SEL1L3: variants seen among roughly 807,000 people sequenced by gnomAD.
SEL1L3 encodes the protein protein sel-1 homolog 3.
SEL1L3 carries 76 observed loss-of-function variants against 142.8 expected under a neutral mutation model. That is an observed-to-expected ratio of 0.53 (90% CI 0.44 to 0.64). The LOEUF (loss-of-function observed/expected upper bound fraction) is 0.64. Among genes scored for constraint, SEL1L3 ranks in the 30% least tolerant of loss-of-function variants. The pLI is 0.00. For synonymous variants in SEL1L3, 504 were observed against 519.6 expected (o/e 0.97, Z 0.41); for missense variants, 1,262 against 1,381.7 (o/e 0.91, Z 1.37).
Position 25,790,427 on chromosome 4 carries a change from T to C in SEL1L3, c.2076+28A>G, listed in dbSNP as rs779539041. On this transcript the variant is annotated intron_variant, in intron 12 of 23. Coordinates refer to ENST00000399878, the MANE Select transcript of SEL1L3 (RefSeq NM_015187.5). Reference sequence around the variant, plus strand: ...ACCCAGTCTATCATGGCTGACAGAATCCCCAAGACAGTAGCCTGCGTTTTT... The same window carrying C: ...ACCCAGTCTATCATGGCTGACAGAACCCCCAAGACAGTAGCCTGCGTTTTT... 10 of 1,612,052 alleles carry C rather than the reference T, an allele frequency of 6.2e-6. No homozygotes were observed. In the Middle Eastern group the frequency reaches 5.0e-4, roughly 80 times the overall value.
intron 7 of SEL1L3, 131 bp downstream of exon 7, chr4:25,821,865 A>T: frequency 1.1e-6 from 1 of 922,266 alleles, no homozygotes; most frequent in Non-Finnish European, 1.6e-6. Flanking sequence ...CCTCAATATT[A>T]ATGATGTCTG....
chr4:25,788,321 G>A lies in SEL1L3; in HGVS notation c.2120C>T (p.Ala707Val). The A allele has an allele frequency of 6.2e-7, 1 of 1,613,940 alleles. No individual in the cohort carries two copies. The highest frequency in any genetic ancestry group is 1.7e-5 in the Admixed American group (1 of 60,018). ...CTCAATTGCTGCTTCGGGATTCTTG[G>A]CCACACCTTGCTGCCCCCAGAACAG... ...QMLFWGQQGV[A>V]KNPEAAIEWY... Residue 707 changes from alanine (A) to valine (V), a missense_variant, in exon 13 of 24, where the codon GCC (alanine) becomes GTC (valine). Physicochemically the swap from Ala to Val is moderately conservative, Grantham distance 64 (BLOSUM62 0). Transcript: ENST00000399878. This position sits in a 1 kb window ranked among gnomAD's most constrained non-coding sequence, Gnocchi z 5.3.
chr4:25,834,918 G>C (rs905412293), intron 3 of SEL1L3, among the ~76,000 whole-genome samples: 4 of 152,224 alleles, frequency 2.6e-5, no homozygotes, highest in African/African-American at 9.7e-5. Flanking sequence ...CTGCACCTGA[G>C]ACCTTGCAGG....
the SEL1L3 span, among the ~76,000 whole-genome samples, chr4:25,717,719 G>T: frequency 6.6e-6 from 1 of 152,204 alleles, no homozygotes; most frequent in Non-Finnish European, 1.5e-5. Flanking sequence ...AAGAAGCAAA[G>T]ATGTTTTTGC....
chr4:25,817,328 C>T (rs970161206), intron 9 of SEL1L3, among the ~76,000 whole-genome samples: 1 of 152,202 alleles, frequency 6.6e-6, no homozygotes, highest in Non-Finnish European at 1.5e-5. Context: ...CGTGGAGTTG[C>T]CTCCCACCAC....
chr4:25,849,231 C>T (rs529396515), intron 1 of SEL1L3, among the ~76,000 whole-genome samples: 2 of 152,314 alleles, frequency 1.3e-5, no homozygotes, highest in African/African-American at 4.8e-5. Flanking sequence ...GATGTTTGTA[C>T]ACCCGTGTTC....
intron 2 of SEL1L3, among the ~76,000 whole-genome samples, chr4:25,837,255 G>A (rs976481302): frequency 3.3e-5 from 5 of 149,310 alleles, no homozygotes; most frequent in Admixed American, 6.7e-5. Flanking sequence ...ATGTTGAGTG[G>A]AGCAGAAGAG....
the SEL1L3 span, among the ~76,000 whole-genome samples, chr4:25,740,907 C>T: frequency 1.3e-5 from 2 of 151,778 alleles, no homozygotes; most frequent in Non-Finnish European, 2.9e-5. Flanking sequence ...GCCTCAGCCT[C>T]CCAAATATCT....
intron 23 of SEL1L3, chr4:25,756,827 ATT>A (rs1463206233): frequency 7.9e-7 from 1 of 1,271,412 alleles, no homozygotes; most frequent in East Asian, 5.6e-5. Context: ...TACACATCTG[ATT>A]GCTTGACTGA....
chr4:25,792,320 A>G (rs1015463966), intron 11 of SEL1L3, among the ~76,000 whole-genome samples: 2 of 152,226 alleles, frequency 1.3e-5, no homozygotes, highest in Non-Finnish European at 2.9e-5. Flanking sequence ...AGGTGAAACT[A>G]TAGAACTGGC....
the SEL1L3 span, among the ~76,000 whole-genome samples, chr4:25,740,601 A>T: frequency 6.6e-6 from 1 of 151,774 alleles, no homozygotes; most frequent in Admixed American, 6.6e-5. Flanking sequence ...CATCCATAGC[A>T]CCTATTGGAC....
downstream of SEL1L3, among the ~76,000 whole-genome samples, chr4:25,746,606 T>C (rs1717279669): frequency 6.9e-6 from 1 of 145,054 alleles, no homozygotes; most frequent in African/African-American, 2.5e-5. Flanking sequence ...TCTCTATCTA[T>C]AGAGAGAAAC....
chr4:25,731,938 G>C, the SEL1L3 span, among the ~76,000 whole-genome samples: 2 of 152,124 alleles, frequency 1.3e-5, no homozygotes, highest in African/African-American at 4.8e-5. Context: ...GCTGGGCATG[G>C]TGGTGCGTGT....
At chr4:25,821,212 T>C (rs1031516980) in intron 7 of SEL1L3, among the ~76,000 whole-genome samples, 1 of 152,176 alleles carries the variant, frequency 6.6e-6, no homozygotes, top group African/African-American at 2.4e-5. Flanking sequence ...CTGTAAGATA[T>C]CACCCATGGG....
At chr4:25,820,006 G>T in intron 7 of SEL1L3, 66 bp from the exon 8 acceptor site, 2 of 1,502,340 alleles carry the variant, frequency 1.3e-6, no homozygotes, top group Admixed American at 2.0e-5. Context: ...CCTCTAGGAG[G>T]ATGTGTTTGG....
At chr4:25,816,118 A>T (rs1714374982) in intron 9 of SEL1L3, among the ~76,000 whole-genome samples, 1 of 146,850 alleles carries the variant, frequency 6.8e-6, no homozygotes, top group African/African-American at 2.5e-5. Flanking sequence ...ATTATATATT[A>T]TATGATATAT....
At chr4:25,844,240 C>T (rs1716366751) in intron 2 of SEL1L3, among the ~76,000 whole-genome samples, 1 of 152,196 alleles carries the variant, frequency 6.6e-6, no homozygotes, top group Non-Finnish European at 1.5e-5. Flanking sequence ...TCCCCACAGC[C>T]CAGATCCAGA....
intron 1 of SEL1L3, among the ~76,000 whole-genome samples, chr4:25,848,602 AAT>A (rs1273911849): frequency 2.0e-5 from 3 of 152,232 alleles, no homozygotes; most frequent in African/African-American, 4.8e-5. Flanking sequence ...AGCTCTCCTA[AAT>A]ATGACTTTGT....
At chr4:25,724,965 T>G in the SEL1L3 span, among the ~76,000 whole-genome samples, 22,869 of 151,678 alleles carry the variant, frequency 0.15, 1,947 homozygotes, top group African/African-American at 0.23. Flanking sequence ...GTCGGGCATG[T>G]CTGTGCATGA....
Sources: gnomAD v4.1 joint callset for allele counts (sites outside exome capture counted in the v4.1 genomes callset) on GRCh38, gnomAD v4.1.1 for gene constraint, Gnocchi (gnomAD v3.1) non-coding constraint, MANE v1.5 for transcripts, NCBI Gene and HGNC (gene_info 2026-07-23, HGNC 2026-07-21) for gene names.